The following HHIPL1 variants were observed in gnomAD, a reference collection of about 807,000 sequenced individuals.
The protein encoded by HHIPL1 is HHIP-like protein 1.
Under a neutral mutation model 61.8 loss-of-function variants are expected in HHIPL1, and 43 were observed. The ratio of observed to expected loss-of-function variants is 0.70; its 90% CI spans 0.55 to 0.90. The LOEUF (loss-of-function observed/expected upper bound fraction) is 0.90, where lower values mean the gene tolerates loss of function less well. Ranked by LOEUF, HHIPL1 falls within the 40% of genes least tolerant of loss-of-function variation. HHIPL1 has a pLI of 0.00. For missense variants in HHIPL1, 1,056 were observed against 1,157.7 expected, an observed-to-expected ratio of 0.91 and a Z score of 1.28; for synonymous variants, 482 against 515.8, an observed-to-expected ratio of 0.93 and a Z score of 0.89.
At chr14:99,637,189 GAAGA>G in the HHIPL1 span, among the ~76,000 whole-genome samples, 7,033 of 77,776 alleles carry the variant, frequency 0.09, 533 homozygotes, top group Admixed American at 0.14. Flanking sequence ...AGAAAGAATG[GAAGA>G]AAGAAAGGAA....
In HHIPL1 at chr14:99,652,208, A is replaced by AT. The variant is rs1335765368; in HGVS notation, c.256-14dup. 6.4e-7 allele frequency: 1 copy of AT among 1,573,280 alleles called. No homozygotes were observed. Among genetic ancestry groups the AT allele is most frequent in the African/African-American group, 1.3e-5 (1 of 74,248 alleles). On this transcript the variant is annotated splice_polypyrimidine_tract_variant and intron_variant, in intron 1 of 8. Transcript: ENST00000330710. ...CACCTCCACAAAACATCTCTGAGCC[A>AT]TTACTGTCTCTGCAGGAATGCTCGC...
At position 99,645,316 on chromosome 14, in the gene HHIPL1, C is replaced by G. The variant is rs1323963493; in HGVS notation, c.109C>G (p.Arg37Gly). ...GCCCTTCCGGCCGACGCAGCCGCTG[C>G]GCCTCTGCGCGCAGTACTCGGACTT... ...RPPFRPTQPL[R>G]LCAQYSDFGC... The change falls in exon 1 of 9, where the codon CGC becomes GGC. Residue 37 changes from arginine to glycine, a missense_variant. Arg to Gly is a moderately radical substitution (Grantham distance 125). Transcript: ENST00000330710. 6.9e-7 allele frequency: 1 copy of G among 1,454,340 alleles called. No individual in the cohort carries two copies. Among genetic ancestry groups the G allele is most frequent in the African/African-American group, 1.5e-5 (1 of 67,762 alleles). The allele number at this position is 1,454,340 out of a possible 1,614,324, so 90.1% of individuals were successfully genotyped here.
the HHIPL1 span, chr14:99,625,235 CAA>C: frequency 1.3e-5 from 2 of 152,216 alleles, no homozygotes; most frequent in Non-Finnish European, 2.9e-5. Context: ...AAGCAGGAAA[CAA>C]TGCACCTGAG....
the HHIPL1 span, among the ~76,000 whole-genome samples, chr14:99,620,940 G>A: frequency 2.6e-5 from 4 of 152,182 alleles, no homozygotes; most frequent in African/African-American, 9.7e-5. Context: ...GGCAACACTC[G>A]GGTCTGCCCT....
chr14:99,645,168 G>GGGC lies in HHIPL1; in HGVS notation c.-39_-38insGCG. Reference sequence around the variant, plus strand: ...CGCGAGCGCCCCGGGAGGGGACCGGGGCTGCCGTCCCTCCGCCTCTTCCCC... The same window carrying GGGC: ...CGCGAGCGCCCCGGGAGGGGACCGGGGGCGCTGCCGTCCCTCCGCCTCTTCCCC... On this transcript the variant is annotated 5_prime_UTR_variant, in exon 1 of 9. Coordinates refer to ENST00000330710, the MANE Select transcript of HHIPL1 (RefSeq NM_001127258.3). 7.9e-7 allele frequency: 1 copy of GGGC among 1,258,344 alleles called. No homozygotes were observed. Among genetic ancestry groups the GGGC allele is most frequent in the Non-Finnish European group, 1.0e-6 (1 of 1,002,198 alleles). The allele number at this position is 1,258,344 out of a possible 1,614,324, so 77.9% of individuals were successfully genotyped here.
chr14:99,611,745 T>G, the HHIPL1 span, among the ~76,000 whole-genome samples: 4 of 151,962 alleles, frequency 2.6e-5, no homozygotes, highest in Admixed American at 2.0e-4. Context: ...TGGGTTGTTT[T>G]TTTTTTTTCC....
At chr14:99,656,514 G>A (rs933066628) in intron 2 of HHIPL1, among the ~76,000 whole-genome samples, 1 of 152,070 alleles carries the variant, frequency 6.6e-6, no homozygotes, top group East Asian at 1.9e-4. Flanking sequence ...GGTGTCTCAC[G>A]CCTGTAATCA....
At chr14:99,638,390 A>G in the HHIPL1 span, among the ~76,000 whole-genome samples, 1 of 152,184 alleles carries the variant, frequency 6.6e-6, no homozygotes, top group Non-Finnish European at 1.5e-5. Context: ...GTCTTTCTGT[A>G]GAAGGGACGC....
rs2055808652 is a variant in HHIPL1, at chr14:99,645,220, A to G, written c.13A>G (p.Arg5Gly). Residue 5 changes from arginine to glycine, a missense_variant, in exon 1 of 9, where the codon AGG becomes GGG. Coordinates refer to ENST00000330710, the MANE Select transcript of HHIPL1 (RefSeq NM_001127258.3). MARA[R>G]AGALLALWVL... is the part of the protein sequence containing the mutation. ...GCGGGGCGTAGCGATGGCCCGGGCCAGGGCCGGGGCGCTGCTGGCGCTTTG... is the reference window on the plus strand; with the variant it reads ...GCGGGGCGTAGCGATGGCCCGGGCCGGGGCCGGGGCGCTGCTGGCGCTTTG... 5 of 1,308,416 alleles carry G rather than the reference A, an allele frequency of 3.8e-6. No individual in the cohort carries two copies. Among genetic ancestry groups the G allele is most frequent in the Non-Finnish European group, 4.9e-6 (5 of 1,030,514 alleles). The allele number at this position is 1,308,416 out of a possible 1,614,324, so 81.1% of individuals were successfully genotyped here.
chr14:99,674,106 C>T (rs1479674535), intron 8 of HHIPL1, among the ~76,000 whole-genome samples: 2 of 151,820 alleles, frequency 1.3e-5, no homozygotes, highest in East Asian at 3.9e-4. Flanking sequence ...TGTGCTTGGC[C>T]TTGTGCTGAG....
At chr14:99,610,444 C>T in the HHIPL1 span, among the ~76,000 whole-genome samples, 1 of 152,156 alleles carries the variant, frequency 6.6e-6, no homozygotes. Flanking sequence ...GTGCTTTCAG[C>T]TTACCATATT....
At chr14:99,610,685 C>T in the HHIPL1 span, among the ~76,000 whole-genome samples, 4 of 152,102 alleles carry the variant, frequency 2.6e-5, no homozygotes, top group South Asian at 4.2e-4. Context: ...CGCTTGAACC[C>T]GGGAGGCAGA....
In HHIPL1 at chr14:99,645,335, C is replaced by T. The variant is rs759098931; in HGVS notation, c.128C>T (p.Ser43Leu). 8.7e-5 allele frequency: 126 copies of T among 1,456,210 alleles called. No individual in the cohort carries two copies. In the East Asian group the frequency reaches 3.7e-3, roughly 42 times the overall value. The allele number at this position is 1,456,210 out of a possible 1,614,324, so 90.2% of individuals were successfully genotyped here. Residue 43 changes from serine (S) to leucine (L), a missense_variant, in exon 1 of 9, where the codon TCG becomes TTG. Ser to Leu is a moderately radical substitution (Grantham distance 145, BLOSUM62 -2). Transcript: ENST00000330710. The part of the protein sequence containing the change: ...TQPLRLCAQY[S>L]DFGCCDEGRD... ...CCGCTGCGCCTCTGCGCGCAGTACT[C>T]GGACTTCGGCTGCTGCGATGAGGGG... is the stretch of plus-strand genomic sequence containing the variant.
At chr14:99,630,086 T>C in the HHIPL1 span, among the ~76,000 whole-genome samples, 1 of 152,212 alleles carries the variant, frequency 6.6e-6, no homozygotes, top group Admixed American at 6.5e-5. Context: ...CTTCCTCAGA[T>C]AACCATGTGG....
chr14:99,650,516 T>C (rs1402988324), intron 1 of HHIPL1, among the ~76,000 whole-genome samples: 1 of 152,178 alleles, frequency 6.6e-6, no homozygotes, highest in Non-Finnish European at 1.5e-5. Flanking sequence ...GGGAGGGTGC[T>C]GTGGTGTGGG....
chr14:99,624,505 C>T, the HHIPL1 span, among the ~76,000 whole-genome samples: 1 of 152,206 alleles, frequency 6.6e-6, no homozygotes, highest in Non-Finnish European at 1.5e-5. Context: ...TTTACAGCCC[C>T]AGCTCCCAAC....
At chr14:99,620,917 C>T in the HHIPL1 span, among the ~76,000 whole-genome samples, 2 of 152,316 alleles carry the variant, frequency 1.3e-5, no homozygotes, top group Admixed American at 1.3e-4. Flanking sequence ...CATGAGAGTG[C>T]GGATTCTCTG....
rs527729974 is a variant in HHIPL1, at chr14:99,664,948, C to T, written c.1648+1927C>T. Reference sequence around the variant, plus strand: ...TTTTTTTCCAAGACTGAGCTTCGCTCTTGTTGCCCAGGCTGGAGTGAAGTG... The same window carrying T: ...TTTTTTTCCAAGACTGAGCTTCGCTTTTGTTGCCCAGGCTGGAGTGAAGTG... On this transcript the variant is annotated intron_variant, in intron 6 of 8. Coordinates refer to ENST00000330710, the MANE Select transcript of HHIPL1 (RefSeq NM_001127258.3). Among the ~76,000 whole-genome samples the T allele has an allele frequency of 1.4e-3, 202 of 144,566 alleles. 4 individuals carry two copies. In the East Asian group the frequency reaches 0.037, roughly 26 times the overall value. 94.8% of individuals were successfully genotyped at this position (144,566 alleles called of 152,430 possible).
At chr14:99,644,644 C>T (rs1357953856), upstream of HHIPL1, among the ~76,000 whole-genome samples, 1 of 152,152 alleles carries the variant, frequency 6.6e-6, no homozygotes, top group Non-Finnish European at 1.5e-5. Flanking sequence ...TGGGAAGAAG[C>T]CCACAGTAAG....
Sources: allele counts gnomAD v4.1 joint callset (sites outside exome capture counted in the v4.1 genomes callset), GRCh38; gene constraint gnomAD v4.1.1; transcripts MANE v1.5; gene names NCBI Gene and HGNC (gene_info 2026-07-23, HGNC 2026-07-21).